The following MEI4 variants were observed in gnomAD, a reference collection of about 807,000 sequenced individuals.
MEI4 encodes the protein meiosis-specific protein MEI4.
Under a neutral mutation model 31.4 loss-of-function variants are expected in MEI4, and 27 were observed. The ratio of observed to expected loss-of-function variants is 0.86; its 90% CI spans 0.63 to 1.19. The LOEUF is 1.19. MEI4 is among the 50% of genes most tolerant of loss of function. The probability of loss-of-function intolerance (pLI) is 0.00; values close to 1 mark genes in which losing one functional copy is unlikely to be tolerated. For missense variants in MEI4, 329 were observed against 398.9 expected (o/e 0.82, Z 1.49); for synonymous variants, 122 against 145.4 (o/e 0.84, Z 1.16).
intron 4 of MEI4, among the ~76,000 whole-genome samples, chr6:77,849,827 G>T (rs1490917602): frequency 6.6e-6 from 1 of 152,012 alleles, no homozygotes; most frequent in Non-Finnish European, 1.5e-5. Flanking sequence ...TCACTTTTTG[G>T]TGGAATTGCT....
chr6:77,768,623 C>CT (rs771839093), intron 3 of MEI4, among the ~76,000 whole-genome samples: 9 of 151,542 alleles, frequency 5.9e-5, no homozygotes, highest in Non-Finnish European at 1.2e-4. Flanking sequence ...TCGCTTGGAC[C>CT]TGGGAGGCAG....
At chr6:77,715,932 TAC>T (rs1454239389) in intron 2 of MEI4, among the ~76,000 whole-genome samples, 3 of 152,262 alleles carry the variant, frequency 2.0e-5, no homozygotes, top group East Asian at 1.9e-4. Context: ...GATATATTTT[TAC>T]ACAGTTTTGT....
chr6:77,849,272 A>C (rs1770558654), intron 4 of MEI4, among the ~76,000 whole-genome samples: 1 of 152,172 alleles, frequency 6.6e-6, no homozygotes, highest in South Asian at 2.1e-4. Context: ...AAAACATTTA[A>C]GATAAAAGAA....
intron 3 of MEI4, among the ~76,000 whole-genome samples, chr6:77,770,997 A>G (rs1176537348): frequency 6.6e-6 from 1 of 152,196 alleles, no homozygotes; most frequent in Non-Finnish European, 1.5e-5. Context: ...CAGAGTAAAT[A>G]GGCACCCTAC....
intron 4 of MEI4, among the ~76,000 whole-genome samples, chr6:77,906,710 A>G (rs1162538420): frequency 6.6e-6 from 1 of 152,194 alleles, no homozygotes; most frequent in East Asian, 1.9e-4. Flanking sequence ...CAGGGAGGGA[A>G]TACTGACTCT....
chr6:77,818,993 A>C (rs1341598160), intron 3 of MEI4, among the ~76,000 whole-genome samples: 1 of 152,164 alleles, frequency 6.6e-6, no homozygotes, highest in Admixed American at 6.5e-5. Flanking sequence ...GGCTTCCCAA[A>C]GTTCCGGGAT....
chr6:77,704,047 T>G (rs958828833), intron 2 of MEI4, among the ~76,000 whole-genome samples: 1 of 152,144 alleles, frequency 6.6e-6, no homozygotes, highest in African/African-American at 2.4e-5. Context: ...AAAGAATCAT[T>G]GCTGGCTCAG....
intron 3 of MEI4, among the ~76,000 whole-genome samples, chr6:77,771,133 A>G (rs1768304779): frequency 6.6e-6 from 1 of 152,158 alleles, no homozygotes; most frequent in Admixed American, 6.6e-5. Context: ...AAAGGACATG[A>G]ATCGACACTT....
At chr6:77,913,362 G>A (rs1374868713) in intron 4 of MEI4, among the ~76,000 whole-genome samples, 1 of 152,090 alleles carries the variant, frequency 6.6e-6, no homozygotes. Flanking sequence ...AGGATAATTT[G>A]TGTTATTCTT....
chr6:77,768,155 C>T (rs9448208), intron 3 of MEI4, among the ~76,000 whole-genome samples: 3,407 of 152,186 alleles, frequency 0.022, 130 homozygotes, highest in African/African-American at 0.078. Flanking sequence ...AGTAGAAGAC[C>T]TAGGTCTCAT....
chr6:77,833,071 A>G (rs908573673), intron 4 of MEI4, among the ~76,000 whole-genome samples: 1 of 152,006 alleles, frequency 6.6e-6, no homozygotes, highest in Non-Finnish European at 1.5e-5. Flanking sequence ...CTTGTCATAC[A>G]TGTATTTTGG....
chr6:77,911,504 C>T (rs1321015859), intron 4 of MEI4, among the ~76,000 whole-genome samples: 2 of 151,836 alleles, frequency 1.3e-5, no homozygotes, highest in Admixed American at 6.6e-5. Flanking sequence ...TTTTTCCCAT[C>T]TTGCTGTTCA....
intron 2 of MEI4, among the ~76,000 whole-genome samples, chr6:77,711,535 G>C (rs147993194): frequency 1.2e-4 from 18 of 152,266 alleles, no homozygotes; most frequent in African/African-American, 4.3e-4. Context: ...GAATCTCAGA[G>C]ATTTGAGAGC....
At chr6:77,768,535 A>G (rs1768230684) in intron 3 of MEI4, among the ~76,000 whole-genome samples, 1 of 152,076 alleles carries the variant, frequency 6.6e-6, no homozygotes, top group Non-Finnish European at 1.5e-5. Flanking sequence ...CCCTGTCTCT[A>G]CTAAAAATAC....
chr6:77,699,883 G>T (rs1288841769), intron 2 of MEI4, among the ~76,000 whole-genome samples: 1 of 152,046 alleles, frequency 6.6e-6, no homozygotes, highest in Non-Finnish European at 1.5e-5. Flanking sequence ...AGCAGTGGCT[G>T]CAGAACAGCG....
chr6:77,708,026 G>A (rs890567730), intron 2 of MEI4, among the ~76,000 whole-genome samples: 7 of 152,198 alleles, frequency 4.6e-5, no homozygotes, highest in Non-Finnish European at 8.8e-5. Context: ...GGGAAATTTG[G>A]GATTGGAGCT....
chr6:77,728,962 G>A (rs892588638), intron 2 of MEI4, among the ~76,000 whole-genome samples: 21 of 152,216 alleles, frequency 1.4e-4, no homozygotes, highest in African/African-American at 4.8e-4. Flanking sequence ...TGCCCATAAG[G>A]GAGGTGATAA....
chr6:77,692,074 T>C (rs985131258), intron 2 of MEI4, among the ~76,000 whole-genome samples: 2 of 151,974 alleles, frequency 1.3e-5, no homozygotes. Context: ...TCTCATACAC[T>C]CTCCCCATTA....
chr6:77,755,510 C>T (rs1767892109), intron 2 of MEI4, among the ~76,000 whole-genome samples: 1 of 151,976 alleles, frequency 6.6e-6, no homozygotes. Context: ...CCTCCACCTC[C>T]CATGTTCAAT....
Sources: allele counts gnomAD v4.1 joint callset (sites outside exome capture counted in the v4.1 genomes callset), GRCh38; gene constraint gnomAD v4.1.1; transcripts MANE v1.5; gene names NCBI Gene and HGNC (gene_info 2026-07-23, HGNC 2026-07-21).